The following ARPP21 variants were observed in gnomAD, a reference collection of about 807,000 sequenced individuals.
ARPP21 encodes cAMP-regulated phosphoprotein 21.
Under a neutral mutation model 113.2 loss-of-function variants are expected in ARPP21, and 69 were observed. The ratio of observed to expected loss-of-function variants is 0.61; its 90% CI spans 0.50 to 0.74. ARPP21 has a LOEUF of 0.74. Ranked by LOEUF, ARPP21 falls within the 30% of genes least tolerant of loss-of-function variation. ARPP21 has a pLI of 0.00. For synonymous variants in ARPP21, 368 were observed against 375.5 expected (o/e 0.98, Z 0.23); for missense variants, 1,070 against 1,037.4 (o/e 1.03, Z -0.43).
chr3:35,787,287 G>A (rs924244330), intron 19 of ARPP21, among the ~76,000 whole-genome samples: 17 of 152,170 alleles, frequency 1.1e-4, no homozygotes, highest in Non-Finnish European at 2.5e-4. Context: ...GCAGCCAGTA[G>A]CCTGGAACAG....
chr3:35,692,957 G>A (rs1037226409), intron 9 of ARPP21, among the ~76,000 whole-genome samples: 3 of 151,552 alleles, frequency 2.0e-5, no homozygotes, highest in Admixed American at 6.6e-5. Flanking sequence ...AAATACCACT[G>A]GAGAACATAA....
At chr3:35,644,493 G>T (rs1699394738) in intron 1 of ARPP21, among the ~76,000 whole-genome samples, 1 of 151,852 alleles carries the variant, frequency 6.6e-6, no homozygotes, top group African/African-American at 2.4e-5. Flanking sequence ...TGGTAACATT[G>T]TTATCTTATA....
Position 35,715,481 on chromosome 3 carries a change from A to T in ARPP21, c.935+5A>T, listed in dbSNP as rs1169419970. 1 of 1,610,794 alleles carries T rather than the reference A, an allele frequency of 6.2e-7. No individual in the cohort carries two copies. The highest frequency in any genetic ancestry group is 8.5e-7 in the Non-Finnish European group (1 of 1,177,322). On this transcript the variant is annotated splice_donor_5th_base_variant and intron_variant, in intron 12 of 20. Coordinates refer to ENST00000684406, the MANE Select transcript of ARPP21 (RefSeq NM_001385562.1). ...AAGCCTTTTTGTGGAAAACAGGTAA[A>T]ATAAAATTTACTTTTCCATGTCTTT... is the stretch of plus-strand genomic sequence containing the variant.
rs796867325 is a variant in ARPP21 at position 35,777,984 on chromosome 3, A to C, written c.2138-14398A>C. On this transcript the variant is annotated intron_variant, in intron 19 of 20. Transcript: ENST00000684406. ...CTACCCTAATATCTAATGACATATA[A>C]ATTTGAGAGTTAACATTTACTTTAA... Among the ~76,000 whole-genome samples, 3 of 152,214 alleles carry C rather than the reference A, an allele frequency of 2.0e-5. No homozygotes were observed. In the East Asian group the frequency reaches 5.8e-4, roughly 29 times the overall value.
At position 35,738,302 on chromosome 3, in the gene ARPP21, C is replaced by T. The variant is rs1422993310; in HGVS notation, c.1733C>T (p.Thr578Met). Residue 578 changes from threonine to methionine, a missense_variant, in exon 17 of 21, where the codon ACG becomes ATG. Coordinates refer to ENST00000684406, the MANE Select transcript of ARPP21 (RefSeq NM_001385562.1). The stretch of plus-strand genomic sequence containing the variant: ...CAGCACCTCCTACCTGTGTCTCCAA[C>T]GCAGCACTTTCCCATGGTACTGTAT... ...PPQHLLPVSPTQHFPMRDDVA... is the reference protein window; with the variant it reads ...PPQHLLPVSPMQHFPMRDDVA... 70 of 1,532,624 alleles carry T rather than the reference C, an allele frequency of 4.6e-5. No individual in the cohort carries two copies. Among genetic ancestry groups the T allele is most frequent in the African/African-American group, 3.4e-4 (25 of 72,960 alleles). 94.9% of individuals were successfully genotyped at this position (1,532,624 alleles called of 1,614,324 possible).
chr3:35,789,004 C>T lies in ARPP21; in HGVS notation c.2138-3378C>T, dbSNP rs1402175166. 3.9e-5 allele frequency among the ~76,000 whole-genome samples: 6 copies of T among 152,158 alleles called. No individual in the cohort carries two copies. The South Asian group carries it at 8.3e-4, about 21-fold the overall frequency. ...GACACATGTGACTTGAAAATTGAAT[C>T]GATCTTGACTGAAAAAGAAATAATA... On this transcript the variant is annotated intron_variant, in intron 19 of 20. Coordinates refer to ENST00000684406, the MANE Select transcript of ARPP21 (RefSeq NM_001385562.1).
intron 19 of ARPP21, among the ~76,000 whole-genome samples, chr3:35,754,968 T>C (rs2095524449): frequency 6.6e-6 from 1 of 151,956 alleles, no homozygotes; most frequent in Non-Finnish European, 1.5e-5. Context: ...GGATTAAAGA[T>C]GGCAAGAAAA....
At chr3:35,677,743 T>G (rs1352688799) in intron 1 of ARPP21, among the ~76,000 whole-genome samples, 1 of 151,996 alleles carries the variant, frequency 6.6e-6, no homozygotes, top group Non-Finnish European at 1.5e-5. Context: ...GAAAAGATAT[T>G]TGTTGAAAAT....
chr3:35,648,149 G>A (rs968892633), intron 1 of ARPP21, among the ~76,000 whole-genome samples: 1 of 152,124 alleles, frequency 6.6e-6, no homozygotes, highest in Non-Finnish European at 1.5e-5. Flanking sequence ...CCAAGCCAAG[G>A]TAGTAACTAA....
At chr3:35,689,809 C>T (rs573282920) in intron 7 of ARPP21, among the ~76,000 whole-genome samples, 1 of 151,476 alleles carries the variant, frequency 6.6e-6, no homozygotes, top group South Asian at 2.1e-4. Context: ...GATCCTAGTA[C>T]TTTGCATGCC....
At chr3:35,725,617 G>A (rs1350733167) in intron 14 of ARPP21, among the ~76,000 whole-genome samples, 1 of 152,158 alleles carries the variant, frequency 6.6e-6, no homozygotes, top group Non-Finnish European at 1.5e-5. Context: ...CTGCTCCAAG[G>A]GAATCTGCCT....
chr3:35,683,015 G>C, intron 4 of ARPP21, 126 bp downstream of exon 4: 1 of 867,954 alleles, frequency 1.2e-6, no homozygotes, highest in Non-Finnish European at 1.7e-6. Context: ...CATCTCGGCT[G>C]TACTGGTGCT....
At chr3:35,656,791 A>C (rs980834324) in intron 1 of ARPP21, among the ~76,000 whole-genome samples, 4 of 152,060 alleles carry the variant, frequency 2.6e-5, no homozygotes, top group Admixed American at 6.6e-5. Flanking sequence ...ACAGCCCCTA[A>C]AAAAGTCAAA....
intron 10 of ARPP21, among the ~76,000 whole-genome samples, chr3:35,707,721 C>T (rs923159066): frequency 4.6e-5 from 7 of 151,964 alleles, no homozygotes; most frequent in African/African-American, 1.7e-4. Context: ...TGTGACAAAA[C>T]ATTATGTTGT....
intron 15 of ARPP21, among the ~76,000 whole-genome samples, chr3:35,735,974 C>T (rs73828905): frequency 0.043 from 6,507 of 152,178 alleles, 222 homozygotes; most frequent in Admixed American, 0.08. Flanking sequence ...TTTTCAGTTA[C>T]GACACATTTT....
chr3:35,789,949 T>C (rs1346266493), intron 19 of ARPP21, among the ~76,000 whole-genome samples: 1 of 152,202 alleles, frequency 6.6e-6, no homozygotes, highest in Non-Finnish European at 1.5e-5. Flanking sequence ...TTCAAACAAA[T>C]GCCTCTGTGA....
Position 35,640,267 on chromosome 3 carries a change from C to T in ARPP21, c.-344C>T, listed in dbSNP as rs1359301905. The stretch of plus-strand genomic sequence containing the variant: ...CAACAACAACAACAACAACAAAAGC[C>T]AAGCCAAAAGCCAAAACAAACAAAT... On this transcript the variant is annotated 5_prime_UTR_variant, in exon 1 of 21. Transcript: ENST00000684406. 4 of 152,444 alleles carry T rather than the reference C, an allele frequency of 2.6e-5. No homozygotes were observed. The highest frequency in any genetic ancestry group is 2.1e-4 in the South Asian group (1 of 4,820). The allele number at this position is 152,444 out of a possible 1,614,324, so 9.4% of individuals were successfully genotyped here.
At chr3:35,639,408 G>C (rs1022116620), upstream of ARPP21, among the ~76,000 whole-genome samples, 1 of 151,964 alleles carries the variant, frequency 6.6e-6, no homozygotes, top group African/African-American at 2.4e-5. This position sits in a 1 kb window ranked among gnomAD's most constrained non-coding sequence, Gnocchi z 5.0. Flanking sequence ...CGTGCAACAC[G>C]CGCGTTGCCC....
chr3:35,776,311 A>C (rs2096365516), intron 19 of ARPP21, among the ~76,000 whole-genome samples: 2 of 152,206 alleles, frequency 1.3e-5, no homozygotes, highest in East Asian at 1.9e-4. Flanking sequence ...ACACTGGGAA[A>C]GTGGAAGATT....
Sources: allele counts gnomAD v4.1 joint callset (sites outside exome capture counted in the v4.1 genomes callset), GRCh38; gene constraint gnomAD v4.1.1; non-coding constraint Gnocchi (gnomAD v3.1); transcripts MANE v1.5; gene names NCBI Gene and HGNC (gene_info 2026-07-23, HGNC 2026-07-21).